Variants in INPP5A observed in about 807,000 individuals in gnomAD.
INPP5A encodes inositol polyphosphate-5-phosphatase A, also known as 43 kDa inositol polyphosphate 5-phophatase.
In INPP5A, 14 loss-of-function variants were observed where a neutral mutation model predicts 65.2. The observed-to-expected ratio is 0.21, with a 90% CI of 0.14 to 0.34. The LOEUF (loss-of-function observed/expected upper bound fraction) is 0.34. INPP5A is among the 10% of genes least tolerant of loss of function. The pLI is 1.00. For missense variants in INPP5A, 431 were observed against 545.6 expected (o/e 0.79, Z 2.09); for synonymous variants, 207 against 208.3 (o/e 0.99, Z 0.05).
rs1208880636 is a variant in INPP5A at position 132,659,039 on chromosome 10, C to T, written c.306+8534C>T. Among the ~76,000 whole-genome samples the T allele has an allele frequency of 1.3e-5, 2 of 152,182 alleles. No individual in the cohort carries two copies. The highest frequency in any genetic ancestry group is 3.9e-4 in the East Asian group (2 of 5,180). The stretch of plus-strand genomic sequence containing the variant: ...GTCCACAGTGGAAGCTGCCAGCCAC[C>T]AAGGCTACCGACCTGGGCCCTGGGG... On this transcript the variant is annotated intron_variant, in intron 4 of 15. Transcript: ENST00000368594. The surrounding 1 kb of genome is among the most constrained non-coding windows in gnomAD (Gnocchi z 5.5).
intron 9 of INPP5A, among the ~76,000 whole-genome samples, chr10:132,745,255 A>G (rs924088700): frequency 6.6e-6 from 1 of 151,602 alleles, no homozygotes; most frequent in Non-Finnish European, 1.5e-5. Context: ...TCCTGGGGAC[A>G]CCTCCCCTTT....
chr10:132,577,441 C>T (rs1340193410), intron 1 of INPP5A, among the ~76,000 whole-genome samples: 2 of 152,350 alleles, frequency 1.3e-5, no homozygotes, highest in South Asian at 2.1e-4. Flanking sequence ...ACACGTTTAT[C>T]TCGGGCTGCG....
rs112466073 is a variant in INPP5A, at chr10:132,708,209, T to C, written c.475-104T>C. 2,619 of 1,004,192 alleles carry C rather than the reference T, an allele frequency of 2.6e-3. 33 individuals carry two copies. In the African/African-American group the frequency reaches 0.026, roughly 10 times the overall value. The allele number at this position is 1,004,192 out of a possible 1,614,324, so 62.2% of individuals were successfully genotyped here. A position where few individuals can be genotyped will look rare whatever the true frequency, so the allele number is the denominator to read the frequency against. ...ATCAGTGCCGGAAGAGCCCTGCTGT[T>C]TTTTGTTTGGAAAGCATCTCCTGTG... On this transcript the variant is annotated intron_variant, in intron 6 of 15. Transcript: ENST00000368594.
intron 9 of INPP5A, among the ~76,000 whole-genome samples, chr10:132,730,759 G>T (rs186648591): frequency 2.6e-5 from 4 of 152,212 alleles, no homozygotes; most frequent in Admixed American, 2.0e-4. Flanking sequence ...TCCCAGCCGC[G>T]TTGGCGTGTC....
Position 132,650,354 on chromosome 10 carries a change from T to G in INPP5A, c.219-64T>G. Reference sequence around the variant, plus strand: ...CTGGAGCCCCTCTTATACCTTGTGGTCATCTCATGAGGTGCAAGGCGTCTG... The same window carrying G: ...CTGGAGCCCCTCTTATACCTTGTGGGCATCTCATGAGGTGCAAGGCGTCTG... On this transcript the variant is annotated intron_variant, in intron 3 of 15. Transcript: ENST00000368594. The surrounding 1 kb of genome is among the most constrained non-coding windows in gnomAD (Gnocchi z 5.5). The G allele has an allele frequency of 9.3e-7, 1 of 1,080,512 alleles. No homozygotes were observed. Among genetic ancestry groups the G allele is most frequent in the Non-Finnish European group, 1.4e-6 (1 of 695,810 alleles). 66.9% of individuals were successfully genotyped at this position (1,080,512 alleles called of 1,614,324 possible). A position where few individuals can be genotyped will look rare whatever the true frequency, so the allele number is the denominator to read the frequency against.
chr10:132,691,971 G>T lies in INPP5A; in HGVS notation c.370+1516G>T, dbSNP rs941483544. Among the ~76,000 whole-genome samples the T allele has an allele frequency of 7.2e-5, 11 of 152,214 alleles. No homozygotes were observed. In the East Asian group the frequency reaches 1.9e-3, roughly 27 times the overall value. The stretch of plus-strand genomic sequence containing the variant: ...GCGGTCCTGGCAGGCGTGCGGTCCC[G>T]GGAGGCATGCGGATGCTGACGATAT... On this transcript the variant is annotated intron_variant, in intron 5 of 15. Transcript: ENST00000368594.
At chr10:132,701,007 T>C (rs1489250789) in intron 6 of INPP5A, among the ~76,000 whole-genome samples, 1 of 152,230 alleles carries the variant, frequency 6.6e-6, no homozygotes, top group African/African-American at 2.4e-5. Context: ...GTTGCTACCA[T>C]AGATCACAGG....
intron 11 of INPP5A, among the ~76,000 whole-genome samples, chr10:132,752,417 G>A (rs1345231729): frequency 2.0e-5 from 3 of 150,624 alleles, no homozygotes; most frequent in Non-Finnish European, 3.0e-5. Context: ...AGTGGGGTGC[G>A]GCATGGAGGG....
At chr10:132,774,656 C>T (rs184635201) in intron 12 of INPP5A, among the ~76,000 whole-genome samples, 7 of 152,130 alleles carry the variant, frequency 4.6e-5, no homozygotes, top group African/African-American at 1.4e-4. Flanking sequence ...GTCTGCTTCT[C>T]GGGCCCGTGG....
chr10:132,744,850 G>T (rs551718781), intron 9 of INPP5A, among the ~76,000 whole-genome samples: 1 of 152,328 alleles, frequency 6.6e-6, no homozygotes, highest in Admixed American at 6.5e-5. Context: ...CACTGAGGAA[G>T]GTTAGGATTC....
intron 2 of INPP5A, among the ~76,000 whole-genome samples, chr10:132,629,332 G>A (rs1255650343): frequency 2.6e-5 from 4 of 152,216 alleles, no homozygotes; most frequent in African/African-American, 4.8e-5. Context: ...TGCGCTGCCC[G>A]CCTGCTCAAC....
intron 5 of INPP5A, among the ~76,000 whole-genome samples, chr10:132,691,508 C>T (rs1845261236): frequency 6.6e-6 from 1 of 152,274 alleles, no homozygotes; most frequent in South Asian, 2.1e-4. Flanking sequence ...GCTGGTGCGT[C>T]AGGCTGCGCC....
chr10:132,667,946 G>A (rs1312579598), intron 4 of INPP5A, among the ~76,000 whole-genome samples: 2 of 152,182 alleles, frequency 1.3e-5, no homozygotes, highest in East Asian at 1.9e-4. Flanking sequence ...TGATTCATCC[G>A]CCTCACCAAC....
rs756268154 is a variant in INPP5A, at chr10:132,704,444, C to T, written c.475-3869C>T. Among the ~76,000 whole-genome samples, 27 of 152,200 alleles carry T rather than the reference C, an allele frequency of 1.8e-4. No individual in the cohort carries two copies. Among genetic ancestry groups the T allele is most frequent in the Non-Finnish European group, 3.1e-4 (21 of 68,026 alleles). On this transcript the variant is annotated intron_variant, in intron 6 of 15. Coordinates refer to ENST00000368594, the MANE Select transcript of INPP5A (RefSeq NM_005539.5). The surrounding 1 kb of genome is among the most constrained non-coding windows in gnomAD (Gnocchi z 4.5). ...CCTCAGTTTCCCTTTCTGGTCGGCC[C>T]GAGGGTTGGGTGTGTGCCTGTGTGT...
chr10:132,596,523 G>C (rs1374558533), intron 1 of INPP5A, among the ~76,000 whole-genome samples: 1 of 151,934 alleles, frequency 6.6e-6, no homozygotes, highest in East Asian at 1.9e-4. Context: ...CACCTCCCAG[G>C]TTCAAGCGAT....
chr10:132,580,453 C>T (rs1176669864), intron 1 of INPP5A, among the ~76,000 whole-genome samples: 1 of 152,190 alleles, frequency 6.6e-6, no homozygotes, highest in Non-Finnish European at 1.5e-5. Context: ...AGCCATGTTT[C>T]CTGTACAGAC....
At chr10:132,578,406 A>G (rs1295393251) in intron 1 of INPP5A, among the ~76,000 whole-genome samples, 1 of 150,668 alleles carries the variant, frequency 6.6e-6, no homozygotes, top group East Asian at 2.0e-4. Context: ...TTCAGTGCCC[A>G]CTCTGCATGC....
At chr10:132,723,033 C>T (rs1286811294) in intron 8 of INPP5A, among the ~76,000 whole-genome samples, 1 of 152,182 alleles carries the variant, frequency 6.6e-6, no homozygotes, top group Non-Finnish European at 1.5e-5. Flanking sequence ...CGCCGTGCAC[C>T]CTTTAGAGGC....
At position 132,550,526 on chromosome 10, in the gene INPP5A, C is replaced by T. The variant is rs1362231639; in HGVS notation, c.75+12355C>T. ...GCGACACCCTTGGGCTGAGCTTTTC[C>T]GTGAACCGGCAGCTGTGTCCCTTGA... is the stretch of plus-strand genomic sequence containing the variant. On this transcript the variant is annotated intron_variant, in intron 1 of 15. Coordinates refer to ENST00000368594, the MANE Select transcript of INPP5A (RefSeq NM_005539.5). The surrounding 1 kb of genome is among the most constrained non-coding windows in gnomAD (Gnocchi z 4.2). Among the ~76,000 whole-genome samples the T allele has an allele frequency of 2.6e-5, 4 of 152,220 alleles. No homozygotes were observed. The highest frequency in any genetic ancestry group is 9.7e-5 in the African/African-American group (4 of 41,446).
Sources: gnomAD v4.1 joint callset for allele counts (sites outside exome capture counted in the v4.1 genomes callset) on GRCh38, gnomAD v4.1.1 for gene constraint, Gnocchi (gnomAD v3.1) non-coding constraint, MANE v1.5 for transcripts, NCBI Gene and HGNC (gene_info 2026-07-23, HGNC 2026-07-21) for gene names.